Variants in ANKFN1 observed in about 807,000 individuals in gnomAD.
ANKFN1 encodes the protein ankyrin repeat and fibronectin type III domain containing 1.
A neutral mutation model predicts 108.7 loss-of-function variants in ANKFN1; 74 were observed. The observed-to-expected ratio is 0.68, with a 90% CI of 0.56 to 0.83. ANKFN1 has a LOEUF of 0.83. ANKFN1 is among the 40% of genes least tolerant of loss of function. The pLI, the probability that ANKFN1 is intolerant of heterozygous loss-of-function variation, is 0.00. For missense variants in ANKFN1, 1,505 were observed against 1,382.3 expected (o/e 1.09, Z -1.41); for synonymous variants, 547 against 516.2 (o/e 1.06, Z -0.81).
At chr17:56,428,823 T>TG (rs1052064523) in intron 8 of ANKFN1, among the ~76,000 whole-genome samples, 66 of 151,810 alleles carry the variant, frequency 4.3e-4, no homozygotes, top group African/African-American at 1.6e-3. Context: ...AAAAAGATGC[T>TG]GCACACATTA....
rs62075287 is a variant in ANKFN1 at position 56,324,449 on chromosome 17, C to G, written c.54-1772C>G. On this transcript the variant is annotated intron_variant, in intron 3 of 20. Transcript: ENST00000682825. ...TGCTACTATTATCAGTGGCACTCTCCCCTTAGGTCTGCATGGCACGTGTAA... is the reference window on the plus strand; with the variant it reads ...TGCTACTATTATCAGTGGCACTCTCGCCTTAGGTCTGCATGGCACGTGTAA... Among the ~76,000 whole-genome samples, 1,068 of 152,208 alleles carry G rather than the reference C, an allele frequency of 7.0e-3. 3 individuals carry two copies. The highest frequency in any genetic ancestry group is 0.012 in the Non-Finnish European group (786 of 68,008).
intron 1 of ANKFN1, among the ~76,000 whole-genome samples, chr17:56,167,102 C>T (rs971803103): frequency 1.4e-4 from 21 of 151,524 alleles, no homozygotes; most frequent in African/African-American, 5.1e-4. Context: ...CTAAGATCTA[C>T]CTCATGAGCT....
At chr17:56,071,129 A>C (rs962662631) in intron 4 of ANKFN1, among the ~76,000 whole-genome samples, 2 of 152,148 alleles carry the variant, frequency 1.3e-5, no homozygotes, top group African/African-American at 4.8e-5. Context: ...GACTGATTCT[A>C]TATTTGACAT....
intron 6 of ANKFN1, among the ~76,000 whole-genome samples, chr17:56,360,920 C>A (rs1223803633): frequency 6.6e-6 from 1 of 152,128 alleles, no homozygotes; most frequent in Non-Finnish European, 1.5e-5. Context: ...AACCCATGCT[C>A]CACATTAGAT....
At chr17:56,064,581 G>T (rs1016357547) in intron 4 of ANKFN1, among the ~76,000 whole-genome samples, 1 of 152,222 alleles carries the variant, frequency 6.6e-6, no homozygotes, top group African/African-American at 2.4e-5. Flanking sequence ...AGGCCCCCTG[G>T]CTCCAGCAGG....
intron 4 of ANKFN1, among the ~76,000 whole-genome samples, chr17:56,334,280 A>G (rs1276291106): frequency 6.6e-6 from 1 of 151,970 alleles, no homozygotes; most frequent in African/African-American, 2.4e-5. Flanking sequence ...ATCAGCAAGA[A>G]TGTTGATACT....
At chr17:56,215,386 G>C (rs1413917305) in intron 2 of ANKFN1, among the ~76,000 whole-genome samples, 1 of 152,202 alleles carries the variant, frequency 6.6e-6, no homozygotes, top group Non-Finnish European at 1.5e-5. Flanking sequence ...CAGGGTTATT[G>C]TGTGAGAAAG....
At chr17:56,178,284 CA>C (rs1911360947) in intron 1 of ANKFN1, among the ~76,000 whole-genome samples, 1 of 152,080 alleles carries the variant, frequency 6.6e-6, no homozygotes, top group Non-Finnish European at 1.5e-5. Context: ...AGAACTGCTT[CA>C]AAAATTTAAA....
intron 4 of ANKFN1, among the ~76,000 whole-genome samples, chr17:56,050,946 AGTC>A (rs1313230866): frequency 1.4e-5 from 2 of 143,050 alleles, no homozygotes; most frequent in African/African-American, 5.2e-5. Flanking sequence ...AACCAAAAAG[AGTC>A]CAGGACCAGA....
intron 3 of ANKFN1, among the ~76,000 whole-genome samples, chr17:56,267,751 A>G (rs1165046864): frequency 6.6e-6 from 1 of 152,064 alleles, no homozygotes; most frequent in East Asian, 1.9e-4. Context: ...TCATTGGTCT[A>G]TGTGTCTGTT....
chr17:56,355,900 A>G (rs2046363533), intron 6 of ANKFN1, among the ~76,000 whole-genome samples: 1 of 152,160 alleles, frequency 6.6e-6, no homozygotes, highest in African/African-American at 2.4e-5. Flanking sequence ...TTAGAGCTTC[A>G]TTGCCCTGAA....
chr17:56,412,982 T>A (rs1394704817), intron 8 of ANKFN1, among the ~76,000 whole-genome samples: 3 of 152,238 alleles, frequency 2.0e-5, no homozygotes, highest in Non-Finnish European at 2.9e-5. Context: ...ACTTTTAGTT[T>A]TGTTAATCTT....
intron 4 of ANKFN1, among the ~76,000 whole-genome samples, chr17:56,334,627 A>G (rs1432632099): frequency 1.3e-5 from 2 of 152,130 alleles, no homozygotes; most frequent in Non-Finnish European, 2.9e-5. Flanking sequence ...CATGACTACT[A>G]TTAACATGAG....
chr17:56,490,210 A>G (rs550440648), intron 18 of ANKFN1, among the ~76,000 whole-genome samples: 17 of 152,360 alleles, frequency 1.1e-4, no homozygotes, highest in South Asian at 1.0e-3. Context: ...ATGTAGTAGG[A>G]TAAGTGTCAT....
At chr17:56,338,560 A>G (rs2045878555) in intron 4 of ANKFN1, among the ~76,000 whole-genome samples, 2 of 152,110 alleles carry the variant, frequency 1.3e-5, no homozygotes, top group South Asian at 2.1e-4. Context: ...ATTTAACACA[A>G]CAGATACAGT....
At chr17:56,284,342 T>C (rs2044163019) in intron 3 of ANKFN1, among the ~76,000 whole-genome samples, 1 of 152,218 alleles carries the variant, frequency 6.6e-6, no homozygotes, top group South Asian at 2.1e-4. Context: ...AATTTCCAAT[T>C]GTAACTCACC....
intron 8 of ANKFN1, among the ~76,000 whole-genome samples, chr17:56,408,988 A>G (rs1325998357): frequency 1.3e-5 from 2 of 150,842 alleles, no homozygotes; most frequent in Admixed American, 1.3e-4. Flanking sequence ...GCAATGGCGC[A>G]ATCTCAGCTC....
intron 1 of ANKFN1, among the ~76,000 whole-genome samples, chr17:56,188,228 T>C (rs1381395796): frequency 6.6e-6 from 1 of 152,128 alleles, no homozygotes; most frequent in Non-Finnish European, 1.5e-5. Context: ...AATTTCCCAG[T>C]GTTTCTGTAA....
In ANKFN1 at chr17:56,389,079, G is replaced by A. The variant is rs964270092; in HGVS notation, c.910+14365G>A. On this transcript the variant is annotated intron_variant, in intron 8 of 20. Coordinates refer to ENST00000682825, the MANE Select transcript of ANKFN1 (RefSeq NM_001370326.1). ...CACTTGGCATTTATCCCAGAAAAAT[G>A]AAAGTTTACTTTTATAGAGAAACTT... Among the ~76,000 whole-genome samples, 4 of 150,240 alleles carry A rather than the reference G, an allele frequency of 2.7e-5. No homozygotes were observed. The East Asian group carries it at 7.8e-4, about 29-fold the overall frequency.
Sources: gnomAD v4.1 joint callset for allele counts (sites outside exome capture counted in the v4.1 genomes callset) on GRCh38, gnomAD v4.1.1 for gene constraint, MANE v1.5 for transcripts, NCBI Gene and HGNC (gene_info 2026-07-23, HGNC 2026-07-21) for gene names.